Variants in CRBN observed in about 807,000 individuals in gnomAD.
The protein encoded by CRBN is protein cereblon.
In CRBN, 53 loss-of-function variants were observed where a neutral mutation model predicts 62.2. The ratio of observed to expected loss-of-function variants is 0.85; its 90% CI spans 0.68 to 1.07. The LOEUF is 1.07. Among genes scored for constraint, CRBN ranks in the 50% least tolerant of loss-of-function variants. CRBN has a pLI of 0.00. For synonymous variants in CRBN, 208 were observed against 176.1 expected (o/e 1.18, Z -1.43); for missense variants, 616 against 531.1 (o/e 1.16, Z -1.57).
intron 4 of CRBN, among the ~76,000 whole-genome samples, chr3:3,171,507 C>CGT (rs1559255302): frequency 6.6e-6 from 1 of 151,856 alleles, no homozygotes; most frequent in Non-Finnish European, 1.5e-5. Flanking sequence ...TTGAGGGAGA[C>CGT]GTACATAAAA....
chr3:3,166,063 G>A (rs765527534), intron 5 of CRBN, among the ~76,000 whole-genome samples: 69 of 152,284 alleles, frequency 4.5e-4, no homozygotes, highest in Middle Eastern at 3.4e-3. Flanking sequence ...TGTATTTAAA[G>A]TGTCTGTATC....
chr3:3,175,348 G>A, intron 1 of CRBN, 79 bp from the exon 2 acceptor site: 1 of 1,069,028 alleles, frequency 9.4e-7, no homozygotes, highest in Non-Finnish European at 1.4e-6. Context: ...CTTCAAAAGA[G>A]GGGTACTTCT....
chr3:3,152,634 A>C, intron 9 of CRBN, 47 bp from the exon 10 acceptor site: 1 of 1,608,490 alleles, frequency 6.2e-7, no homozygotes, highest in South Asian at 1.1e-5. Context: ...CGAGAAGTCT[A>C]ATTTTATTAA....
chr3:3,152,461 A>G lies in CRBN; in HGVS notation c.1143T>C (p.Phe381=), dbSNP rs1420696815. 1.2e-6 allele frequency: 2 copies of G among 1,613,818 alleles called. No individual in the cohort carries two copies. Among genetic ancestry groups the G allele is most frequent in the Non-Finnish European group, 1.7e-6 (2 of 1,179,936 alleles). ...IGRPSTEHSW[F]PGYAWTVAQC... The stretch of plus-strand genomic sequence containing the variant: ...AACCACCACCATAATATTACCCAGG[A>G]AACCAGCTGTGTTCTGTAGAAGGCC... Residue 381 remains phenylalanine (F), a synonymous_variant, in exon 10 of 11, where the codon TTT becomes TTC. Transcript: ENST00000231948.
At chr3:3,179,118 C>T (rs1575105558) in intron 1 of CRBN, among the ~76,000 whole-genome samples, 2 of 152,300 alleles carry the variant, frequency 1.3e-5, no homozygotes, top group Middle Eastern at 6.8e-3. Context: ...TTGAACTAAT[C>T]TGCAAATCCA....
chr3:3,152,188 T>C (rs1238175676), intron 10 of CRBN, among the ~76,000 whole-genome samples: 1 of 150,760 alleles, frequency 6.6e-6, no homozygotes, highest in African/African-American at 2.4e-5. Flanking sequence ...TCTCACTCTG[T>C]CACCCAGGCT....
At chr3:3,174,291 C>T in intron 2 of CRBN, 30 bp from the exon 3 acceptor site, 1 of 1,495,268 alleles carries the variant, frequency 6.7e-7, no homozygotes, top group South Asian at 1.1e-5. Flanking sequence ...GGTATAGTGT[C>T]ATGATCGATA....
intron 9 of CRBN, 58 bp from the exon 10 acceptor site, chr3:3,152,645 A>G (rs1027153909): frequency 1.9e-6 from 3 of 1,601,222 alleles, no homozygotes; most frequent in Admixed American, 3.3e-5. Flanking sequence ...ATTTTATTAA[A>G]TGCTTAGAAT....
intron 3 of CRBN, among the ~76,000 whole-genome samples, chr3:3,173,391 T>C (rs1293102330): frequency 1.3e-5 from 2 of 152,274 alleles, no homozygotes; most frequent in South Asian, 2.1e-4. Context: ...ATGGGGGATA[T>C]ACAAGAAGGA....
At chr3:3,178,902 C>G (rs1302907172) in intron 1 of CRBN, among the ~76,000 whole-genome samples, 3 of 148,642 alleles carry the variant, frequency 2.0e-5, no homozygotes, top group Non-Finnish European at 3.0e-5. Flanking sequence ...TTTTTTTGTT[C>G]AGTATTTCAA....
Position 3,175,209 on chromosome 3 carries a change from T to A in CRBN, c.128A>T (p.Lys43Ile). The A allele has an allele frequency of 6.2e-7, 1 of 1,613,934 alleles. No homozygotes were observed. Among genetic ancestry groups the A allele is most frequent in the African/African-American group, 1.3e-5 (1 of 75,048 alleles). ...VEDQDSKEAKKPNIINFDTSL... is the reference protein window; with the variant it reads ...VEDQDSKEAKIPNIINFDTSL... Reference sequence around the variant, plus strand: ...GGTGTCAAAATTTATGATGTTTGGTTTTTTGGCTTCTTTACTATCCTGGTC... The same window carrying A: ...GGTGTCAAAATTTATGATGTTTGGTATTTTGGCTTCTTTACTATCCTGGTC... Residue 43 changes from lysine (K) to isoleucine (I), a missense_variant, in exon 2 of 11, where the codon AAA (lysine) becomes ATA (isoleucine). Transcript: ENST00000231948.
intron 4 of CRBN, among the ~76,000 whole-genome samples, chr3:3,171,653 TCCA>T (rs1161872975): frequency 2.0e-5 from 3 of 152,124 alleles, no homozygotes; most frequent in Non-Finnish European, 4.4e-5. Flanking sequence ...TCTCTTTAGC[TCCA>T]AGGAGCTACC....
chr3:3,158,321 C>T (rs1706993880), intron 5 of CRBN, among the ~76,000 whole-genome samples: 1 of 152,174 alleles, frequency 6.6e-6, no homozygotes, highest in Non-Finnish European at 1.5e-5. Context: ...CACTCACCAC[C>T]GGCTGTGCGT....
chr3:3,173,989 G>A, intron 3 of CRBN, 70 bp downstream of exon 3: 3 of 1,302,646 alleles, frequency 2.3e-6, no homozygotes, highest in South Asian at 2.4e-5. Context: ...GCCTGCTTTG[G>A]CTTCAACACT....
At position 3,174,228 on chromosome 3, in the gene CRBN, T is replaced by G. The variant is rs1707739295; in HGVS notation, c.208A>C (p.Arg70=). The change falls in exon 3 of 11, where the codon AGG becomes CGG. Residue 70 remains arginine, a synonymous_variant. Transcript: ENST00000231948. ...CAGCTGTCGTCATCGTGCAAAGTCC[T>G]GCCATGAAATTCTTCCATATCAGCA... ...LGADMEEFHG[R]TLHDDDSCQV... 1.2e-6 allele frequency: 2 copies of G among 1,614,058 alleles called. No individual in the cohort carries two copies. The highest frequency in any genetic ancestry group is 1.7e-6 in the Non-Finnish European group (2 of 1,180,010).
chr3:3,152,150 A>ATAT (rs1553559004), intron 10 of CRBN, among the ~76,000 whole-genome samples: 1 of 147,096 alleles, frequency 6.8e-6, no homozygotes, highest in Non-Finnish European at 1.5e-5. Context: ...ATTTAAATAA[A>ATAT]TTTTTTTTTT....
In CRBN at chr3:3,153,447, T is replaced by C. The variant is rs752097742; in HGVS notation, c.993A>G (p.Ile331Met). ...ACCTGAATATTTCATTTTTGGTTGT[T>C]ATTTCTGTTTCTTGACATTGTTTAC... ...LCCKQCQETE[I>M]TTKNEIFSLS... The change falls in exon 9 of 11, where the codon ATA (isoleucine) becomes ATG (methionine). Residue 331 changes from isoleucine to methionine, a missense_variant. By Grantham distance (10) the Ile-to-Met change is conservative (BLOSUM62 1). Transcript: ENST00000231948. The C allele has an allele frequency of 5.1e-6, 8 of 1,568,560 alleles. No homozygotes were observed. The African/African-American group carries it at 8.1e-5, about 16-fold the overall frequency.
At chr3:3,163,258 T>G (rs115331896) in intron 5 of CRBN, among the ~76,000 whole-genome samples, 3,905 of 152,310 alleles carry the variant, frequency 0.026, 77 homozygotes, top group Non-Finnish European at 0.039. Flanking sequence ...ATGGAGTTAT[T>G]TGTATCACCT....
At chr3:3,161,923 T>G (rs1304309407) in intron 5 of CRBN, among the ~76,000 whole-genome samples, 1 of 152,158 alleles carries the variant, frequency 6.6e-6, no homozygotes, top group Non-Finnish European at 1.5e-5. Flanking sequence ...GAATCTCCTA[T>G]AAGATACACC....
Sources: gnomAD v4.1 joint callset for allele counts (sites outside exome capture counted in the v4.1 genomes callset) on GRCh38, gnomAD v4.1.1 for gene constraint, MANE v1.5 for transcripts, NCBI Gene and HGNC (gene_info 2026-07-23, HGNC 2026-07-21) for gene names.